The following EYS variants were observed in gnomAD, a reference collection of about 807,000 sequenced individuals.
EYS encodes the protein protein eyes shut homolog.
A neutral mutation model predicts 282.1 loss-of-function variants in EYS; 250 were observed. The ratio of observed to expected loss-of-function variants is 0.89; its 90% CI spans 0.80 to 0.98. The LOEUF (loss-of-function observed/expected upper bound fraction) is 0.98, where lower values mean the gene tolerates loss of function less well. Ranked by LOEUF, EYS falls within the 50% of genes least tolerant of loss-of-function variation. The probability of loss-of-function intolerance (pLI) is 0.00; values close to 1 mark genes in which losing one functional copy is unlikely to be tolerated. For synonymous variants in EYS, 1,355 were observed against 1,282.9 expected (o/e 1.06, Z -1.20); for missense variants, 4,016 against 3,709.0 (o/e 1.08, Z -2.15).
chr6:64,087,695 A>C (rs1216523321), intron 31 of EYS, among the ~76,000 whole-genome samples: 1 of 152,160 alleles, frequency 6.6e-6, no homozygotes, highest in Non-Finnish European at 1.5e-5. Flanking sequence ...AAAATATTTT[A>C]TAAATAAAAT....
rs540431891 is a variant in EYS at position 65,051,538 on chromosome 6, A to T, written c.2137+6076T>A. On this transcript the variant is annotated intron_variant, in intron 13 of 42. Transcript: ENST00000503581. ...AATGAACACATGTATTACCTCACAC[A>T]CATTTTGAGGTGGTGAGAACACAAA... Among the ~76,000 whole-genome samples, 8 of 151,740 alleles carry T rather than the reference A, an allele frequency of 5.3e-5. 1 individual carries two copies. The highest frequency in any genetic ancestry group is 1.9e-4 in the African/African-American group (8 of 41,516).
At chr6:64,862,377 T>A (rs1234540733) in intron 19 of EYS, among the ~76,000 whole-genome samples, 1 of 152,160 alleles carries the variant, frequency 6.6e-6, no homozygotes, top group Admixed American at 6.5e-5. Flanking sequence ...GCTATTCATT[T>A]TGTTGTTGTT....
chr6:65,676,461 A>G (rs978878911), intron 1 of EYS, among the ~76,000 whole-genome samples: 3 of 151,896 alleles, frequency 2.0e-5, no homozygotes, highest in African/African-American at 7.2e-5. Flanking sequence ...AACGTCAAAG[A>G]AATGGATCAA....
intron 1 of EYS, among the ~76,000 whole-genome samples, chr6:65,680,569 C>G (rs1768779524): frequency 6.6e-6 from 1 of 151,878 alleles, no homozygotes; most frequent in Non-Finnish European, 1.5e-5. Context: ...ACTTCTATGG[C>G]TAAACTAATA....
chr6:65,271,547 G>A (rs1767904628), intron 12 of EYS, among the ~76,000 whole-genome samples: 1 of 151,644 alleles, frequency 6.6e-6, no homozygotes, highest in Non-Finnish European at 1.5e-5. Context: ...CAGCTATCTG[G>A]GAATCCAGTG....
At chr6:63,929,747 T>A (rs546750688) in intron 35 of EYS, among the ~76,000 whole-genome samples, 59 of 152,282 alleles carry the variant, frequency 3.9e-4, no homozygotes, top group Middle Eastern at 6.8e-3. Flanking sequence ...TCCTCACTCA[T>A]CCTTTTTCTA....
intron 14 of EYS, among the ~76,000 whole-genome samples, chr6:64,995,724 C>CTCT (rs1554225565): frequency 6.7e-6 from 1 of 148,880 alleles, no homozygotes; most frequent in Non-Finnish European, 1.5e-5. Context: ...TTCCCCCCCG[C>CTCT]CCCATATTCT....
At chr6:65,306,110 T>C (rs1438745172) in intron 11 of EYS, among the ~76,000 whole-genome samples, 1 of 152,222 alleles carries the variant, frequency 6.6e-6, no homozygotes, top group Non-Finnish European at 1.5e-5. Context: ...ATATGTTGTA[T>C]ATAATCAGGA....
chr6:65,416,352 GA>G (rs1767231954), intron 5 of EYS, among the ~76,000 whole-genome samples: 1 of 151,854 alleles, frequency 6.6e-6, no homozygotes, highest in Non-Finnish European at 1.5e-5. Flanking sequence ...TCATGATAAA[GA>G]AACAATTCTC....
intron 1 of EYS, among the ~76,000 whole-genome samples, chr6:65,657,963 T>C (rs1438264653): frequency 6.6e-6 from 1 of 151,854 alleles, no homozygotes; most frequent in Admixed American, 6.6e-5. Context: ...ACAAACATCA[T>C]AACTTGCTGG....
chr6:63,869,067 CAT>C (rs1772736864), intron 35 of EYS, among the ~76,000 whole-genome samples: 1 of 152,118 alleles, frequency 6.6e-6, no homozygotes, highest in East Asian at 1.9e-4. Context: ...CTTGGAGAAA[CAT>C]AGTCTATATA....
At chr6:64,269,054 G>A (rs1767856999) in intron 30 of EYS, among the ~76,000 whole-genome samples, 1 of 152,110 alleles carries the variant, frequency 6.6e-6, no homozygotes, top group African/African-American at 2.4e-5. Flanking sequence ...GTTTCTATTA[G>A]AGAATCAGTA....
chr6:65,058,438 A>G (rs1314095365), intron 12 of EYS, among the ~76,000 whole-genome samples: 2 of 138,714 alleles, frequency 1.4e-5, no homozygotes, highest in Non-Finnish European at 3.3e-5. Context: ...GACATGGGCC[A>G]CTGAGCCTGG....
chr6:64,486,000 G>A (rs1221941261), intron 26 of EYS, among the ~76,000 whole-genome samples: 1 of 151,416 alleles, frequency 6.6e-6, no homozygotes, highest in East Asian at 1.9e-4. Context: ...TTATATGCTG[G>A]TTTTAAAGAA....
chr6:64,462,946 T>TG (rs5876901), intron 26 of EYS, among the ~76,000 whole-genome samples: 3,095 of 88,258 alleles, frequency 0.035, 101 homozygotes, highest in African/African-American at 0.066. Context: ...GCTTTAATTT[T>TG]TTTTTTTTTT....
chr6:64,282,739 C>G (rs2150362180), intron 30 of EYS, among the ~76,000 whole-genome samples: 1 of 152,300 alleles, frequency 6.6e-6, no homozygotes, highest in South Asian at 2.1e-4. Flanking sequence ...ACACTGCTAT[C>G]TTATGCCTGA....
chr6:63,938,736 A>T (rs1765146232), intron 35 of EYS, among the ~76,000 whole-genome samples: 1 of 152,202 alleles, frequency 6.6e-6, no homozygotes, highest in Non-Finnish European at 1.5e-5. Flanking sequence ...TCATACCAAA[A>T]TGAGTTGGAT....
chr6:64,930,102 T>TA (rs1478183289), intron 15 of EYS, among the ~76,000 whole-genome samples: 4 of 152,156 alleles, frequency 2.6e-5, no homozygotes, highest in Non-Finnish European at 5.9e-5. Context: ...ACTACTCGAA[T>TA]ATTTAATGTA....
chr6:65,479,614 G>A (rs769529086), intron 5 of EYS, among the ~76,000 whole-genome samples: 1 of 152,112 alleles, frequency 6.6e-6, no homozygotes, highest in African/African-American at 2.4e-5. Flanking sequence ...GTGCTGAACT[G>A]TATTTCCATA....
Sources: allele counts gnomAD v4.1 joint callset (sites outside exome capture counted in the v4.1 genomes callset), GRCh38; gene constraint gnomAD v4.1.1; transcripts MANE v1.5; gene names NCBI Gene and HGNC (gene_info 2026-07-23, HGNC 2026-07-21).